RGS7: variants seen among roughly 807,000 people sequenced by gnomAD.
RGS7 encodes regulator of G protein signaling 7.
Under a neutral mutation model 81.1 loss-of-function variants are expected in RGS7, and 27 were observed. The observed-to-expected ratio is 0.33, with a 90% confidence interval of 0.25 to 0.46. RGS7 has a LOEUF of 0.46. Ranked by LOEUF, RGS7 falls within the 20% of genes least tolerant of loss-of-function variation. RGS7 has a pLI of 1.00. For synonymous variants in RGS7, 208 were observed against 207.7 expected (o/e 1.00, Z -0.01); for missense variants, 396 against 607.4 (o/e 0.65, Z 3.66).
chr1:240,891,925 T>G (rs949341510), intron 6 of RGS7, among the ~76,000 whole-genome samples: 2 of 152,172 alleles, frequency 1.3e-5, no homozygotes, highest in African/African-American at 4.8e-5. Context: ...TGGCGAAAGT[T>G]TTCAGAGCTA....
chr1:241,315,630 T>C (rs1349459009), intron 2 of RGS7, among the ~76,000 whole-genome samples: 1 of 152,240 alleles, frequency 6.6e-6, no homozygotes, highest in Non-Finnish European at 1.5e-5. Context: ...TATAAGGTCA[T>C]GTCATCTGTG....
At chr1:241,104,407 CAGG>C (rs2064971966) in intron 2 of RGS7, among the ~76,000 whole-genome samples, 2 of 152,100 alleles carry the variant, frequency 1.3e-5, no homozygotes, top group Non-Finnish European at 2.9e-5. Flanking sequence ...CCCTGCAAGA[CAGG>C]AGATTTGATT....
chr1:241,045,115 A>G (rs554682553), intron 3 of RGS7, among the ~76,000 whole-genome samples: 1 of 152,096 alleles, frequency 6.6e-6, no homozygotes. Context: ...TTATCGTCTC[A>G]TCTTTGATCT....
intron 9 of RGS7, among the ~76,000 whole-genome samples, chr1:240,844,887 A>G (rs1288806924): frequency 6.6e-6 from 1 of 152,224 alleles, no homozygotes; most frequent in Non-Finnish European, 1.5e-5. Context: ...CATCATGAGT[A>G]TGGGCTGATT....
intron 9 of RGS7, among the ~76,000 whole-genome samples, chr1:240,849,471 G>A (rs1432215322): frequency 6.6e-6 from 1 of 152,084 alleles, no homozygotes; most frequent in Non-Finnish European, 1.5e-5. Context: ...TATGAAATGA[G>A]GACAAAATTA....
intron 2 of RGS7, among the ~76,000 whole-genome samples, chr1:241,150,369 G>A (rs1363129956): frequency 6.6e-6 from 1 of 152,104 alleles, no homozygotes; most frequent in Non-Finnish European, 1.5e-5. Flanking sequence ...TTCAATCTCA[G>A]TTTTGCCTAA....
chr1:241,079,411 T>C (rs951034002), intron 3 of RGS7, among the ~76,000 whole-genome samples: 6 of 152,256 alleles, frequency 3.9e-5, no homozygotes, highest in East Asian at 1.9e-4. Flanking sequence ...TCATATCACA[T>C]GTCCATCGAG....
At chr1:241,110,332 CTTTT>C (rs1233137148) in intron 2 of RGS7, among the ~76,000 whole-genome samples, 7 of 152,116 alleles carry the variant, frequency 4.6e-5, no homozygotes, top group Non-Finnish European at 8.8e-5. Flanking sequence ...TCTCTTGGGA[CTTTT>C]TTTAATTGAC....
At chr1:240,906,435 A>G (rs1670832811) in intron 6 of RGS7, among the ~76,000 whole-genome samples, 1 of 152,210 alleles carries the variant, frequency 6.6e-6, no homozygotes, top group African/African-American at 2.4e-5. Flanking sequence ...CAAGAATTGG[A>G]ACAGTCACTT....
intron 4 of RGS7, among the ~76,000 whole-genome samples, chr1:240,957,676 G>A (rs1253525404): frequency 6.6e-6 from 1 of 152,158 alleles, no homozygotes; most frequent in Non-Finnish European, 1.5e-5. Flanking sequence ...AACTGACTTA[G>A]CTAATATTAA....
At chr1:241,102,247 AC>A (rs5782175) in intron 2 of RGS7, among the ~76,000 whole-genome samples, 65,661 of 151,816 alleles carry the variant, frequency 0.43, 18,128 homozygotes, top group African/African-American at 0.79. Context: ...CATAAAAAAA[AC>A]CCCTGCTTTC....
At chr1:240,892,703 A>G (rs906928001) in intron 6 of RGS7, among the ~76,000 whole-genome samples, 22 of 152,194 alleles carry the variant, frequency 1.4e-4, no homozygotes, top group Non-Finnish European at 4.4e-5. Flanking sequence ...TCAAATAAGG[A>G]AAATGTCAAG....
chr1:241,017,696 A>G (rs2059332475), intron 3 of RGS7, among the ~76,000 whole-genome samples: 2 of 152,092 alleles, frequency 1.3e-5, no homozygotes, highest in African/African-American at 4.8e-5. Flanking sequence ...ATGTTCTTCT[A>G]TAGTTTAAGT....
rs2062206347 is a variant in RGS7, at chr1:241,068,257, T to TGTATATATATATATATATATATATAA, written c.175+30408_175+30409insTTATATATATATATATATATATATAC. Among the ~76,000 whole-genome samples, 10 of 73,266 alleles carry TGTATATATATATATATATATATATAA rather than the reference T, an allele frequency of 1.4e-4. 2 individuals are homozygous for TGTATATATATATATATATATATATAA. The highest frequency in any genetic ancestry group is 4.0e-4 in the African/African-American group (9 of 22,654). The allele number at this position is 73,266 out of a possible 152,430, so 48.1% of individuals were successfully genotyped here. ...GTGTGTGTATATATATATATATATA[T>TGTATATATATATATATATATATATAA]AAAATATTGTGTATATATAATATTA... On this transcript the variant is annotated intron_variant, in intron 3 of 18. Transcript: ENST00000440928.
At chr1:240,870,191 C>A in intron 6 of RGS7, 72 bp from the exon 7 acceptor site, 1 of 1,320,724 alleles carries the variant, frequency 7.6e-7, no homozygotes, top group Non-Finnish European at 1.1e-6. Flanking sequence ...TACAACATTA[C>A]AAATCAAGGG....
chr1:240,976,100 T>A (rs1010586209), intron 4 of RGS7, among the ~76,000 whole-genome samples: 2 of 152,232 alleles, frequency 1.3e-5, no homozygotes, highest in Non-Finnish European at 2.9e-5. Flanking sequence ...GCTGACAGCT[T>A]ACCAAGTGCC....
At chr1:240,968,989 A>G (rs1281405909) in intron 4 of RGS7, among the ~76,000 whole-genome samples, 1 of 152,168 alleles carries the variant, frequency 6.6e-6, no homozygotes, top group Non-Finnish European at 1.5e-5. Flanking sequence ...AGATAAAGGG[A>G]CCTGACTTTT....
chr1:240,886,616 T>C (rs1488355809), intron 6 of RGS7, among the ~76,000 whole-genome samples: 1 of 152,146 alleles, frequency 6.6e-6, no homozygotes, highest in Non-Finnish European at 1.5e-5. Context: ...TTTTCTTCTT[T>C]CTCAAATAAA....
At chr1:241,238,109 A>G (rs1558223341) in intron 2 of RGS7, among the ~76,000 whole-genome samples, 1 of 152,190 alleles carries the variant, frequency 6.6e-6, no homozygotes, top group Non-Finnish European at 1.5e-5. Flanking sequence ...CAGACACACC[A>G]GAGAAACAAC....
Sources: allele counts gnomAD v4.1 joint callset (sites outside exome capture counted in the v4.1 genomes callset), GRCh38; gene constraint gnomAD v4.1.1; transcripts MANE v1.5; gene names NCBI Gene and HGNC (gene_info 2026-07-23, HGNC 2026-07-21).